Variants in SLC7A7 observed in about 807,000 individuals in gnomAD.
SLC7A7 encodes the protein solute carrier family 7 member 7.
SLC7A7 carries 39 observed loss-of-function variants against 47.9 expected under a neutral mutation model. That is an observed-to-expected ratio of 0.81 (90% CI 0.63 to 1.06). The LOEUF is 1.06. Among genes scored for constraint, SLC7A7 ranks in the 50% least tolerant of loss-of-function variants. The probability of loss-of-function intolerance (pLI) is 0.00; values close to 1 mark genes in which losing one functional copy is unlikely to be tolerated. For missense variants in SLC7A7, 588 were observed against 632.0 expected, an observed-to-expected ratio of 0.93 and a Z score of 0.75; for synonymous variants, 234 against 242.8, an observed-to-expected ratio of 0.96 and a Z score of 0.34.
At chr14:22,798,753 C>T (rs1400474734) in intron 2 of SLC7A7, among the ~76,000 whole-genome samples, 3 of 152,160 alleles carry the variant, frequency 2.0e-5, no homozygotes, top group Admixed American at 2.0e-4. Flanking sequence ...TCCTCTTTCA[C>T]CCTGCAAAAG....
At chr14:22,776,370 C>G (rs2038607659) in intron 4 of SLC7A7, 52 bp from the exon 5 acceptor site, 3 of 1,612,750 alleles carry the variant, frequency 1.9e-6, no homozygotes, top group East Asian at 4.5e-5. Context: ...ATATCCCTAT[C>G]TCTCCTTTAA....
In SLC7A7 at chr14:22,774,573, T is replaced by C. The variant is rs537951301; in HGVS notation, c.1096-70A>G. The C allele has an allele frequency of 1.8e-5, 28 of 1,599,512 alleles. No individual in the cohort carries two copies. In the African/African-American group the frequency reaches 3.7e-4, roughly 21 times the overall value. ...ATCCAAAGGCTTTTCACTCCCTTTATACCCCAGAAATCCATCCCCTGTCAA... is the reference window on the plus strand; with the variant it reads ...ATCCAAAGGCTTTTCACTCCCTTTACACCCCAGAAATCCATCCCCTGTCAA... On this transcript the variant is annotated intron_variant, in intron 7 of 9. Coordinates refer to ENST00000674313, the MANE Select transcript of SLC7A7 (RefSeq NM_003982.4).
chr14:22,775,446 T>C lies in SLC7A7; in HGVS notation c.1093A>G (p.Asn365Asp). The change falls in exon 7 of 10, where the codon AAT becomes GAT. Residue 365 changes from asparagine to aspartate, a missense_variant and splice_region_variant. By Grantham distance (23) the Asn-to-Asp change is conservative. Transcript: ENST00000674313. ...RFTPVPSLLF[N>D]GIMALIYLCV... ...GTCTCATCCTTGAGTTCACTTACATTGAAGAGCAGAGAAGGCACTGGTGTG... is the reference window on the plus strand; with the variant it reads ...GTCTCATCCTTGAGTTCACTTACATCGAAGAGCAGAGAAGGCACTGGTGTG... 2 of 1,613,508 alleles carry C rather than the reference T, an allele frequency of 1.2e-6. No homozygotes were observed. Among genetic ancestry groups the C allele is most frequent in the Non-Finnish European group, 1.7e-6 (2 of 1,179,468 alleles).
rs121908679 is a variant in SLC7A7 at position 22,778,837 on chromosome 14, C to T, written c.726G>A (p.Trp242Ter). ...CTTCAGTGACATAGTTGAGGGTGTC[C>T]CAGCCTGAGTAGGAGAACAGAGCTG... ...LYSALFSYSGWDTLNYVTEEI... is the reference protein window; with the variant it reads ...LYSALFSYSG Residue 242 changes from tryptophan (W) to a stop codon, truncating the protein, a stop_gained, in exon 4 of 10, where the codon TGG becomes TGA. Transcript: ENST00000674313. LOFTEE classifies it high-confidence loss of function. 6 of 1,614,018 alleles carry T rather than the reference C, an allele frequency of 3.7e-6. No individual in the cohort carries two copies. Among genetic ancestry groups the T allele is most frequent in the Non-Finnish European group, 2.5e-6 (3 of 1,180,052 alleles).
chr14:22,818,827 C>T (rs556104258), upstream of SLC7A7, among the ~76,000 whole-genome samples: 2 of 152,078 alleles, frequency 1.3e-5, no homozygotes, highest in South Asian at 2.1e-4. Context: ...CTCCTGACCT[C>T]GTGATCCTCC....
At chr14:22,801,761 G>A (rs1034328081) in intron 2 of SLC7A7, among the ~76,000 whole-genome samples, 63 of 152,228 alleles carry the variant, frequency 4.1e-4, no homozygotes, top group African/African-American at 1.4e-3. Flanking sequence ...GTGACAGAGC[G>A]AGACTCCGTC....
intron 4 of SLC7A7, 27 bp downstream of exon 4, chr14:22,778,766 A>G (rs376359939): frequency 4.5e-5 from 72 of 1,610,444 alleles, no homozygotes; most frequent in African/African-American, 1.9e-4. Flanking sequence ...TATCACTGCT[A>G]TGGAAAGTTG....
chr14:22,819,025 G>C (rs2138677223), upstream of SLC7A7, among the ~76,000 whole-genome samples: 1 of 152,314 alleles, frequency 6.6e-6, no homozygotes, highest in African/African-American at 2.4e-5. Flanking sequence ...GCTTGTGGAA[G>C]AAATTTGATT....
intron 2 of SLC7A7, among the ~76,000 whole-genome samples, chr14:22,808,733 T>C (rs1341768223): frequency 6.6e-6 from 1 of 152,234 alleles, no homozygotes; most frequent in Admixed American, 6.5e-5. Flanking sequence ...TTGGTTGCCC[T>C]TCTGAACCTT....
intron 2 of SLC7A7, among the ~76,000 whole-genome samples, chr14:22,797,792 C>T (rs1232286349): frequency 6.6e-6 from 1 of 152,190 alleles, no homozygotes; most frequent in Admixed American, 6.5e-5. Context: ...TAAATGATTT[C>T]AAGGTCTATT....
intron 4 of SLC7A7, among the ~76,000 whole-genome samples, chr14:22,776,893 C>T (rs780374353): frequency 1.6e-4 from 24 of 151,538 alleles, no homozygotes; most frequent in African/African-American, 3.4e-4. Context: ...CACTTGAACT[C>T]GAGAGGCGGA....
At chr14:22,798,757 G>A (rs2039060552) in intron 2 of SLC7A7, among the ~76,000 whole-genome samples, 1 of 152,052 alleles carries the variant, frequency 6.6e-6, no homozygotes, top group African/African-American at 2.4e-5. Flanking sequence ...CTTTCACCCT[G>A]CAAAAGTTTT....
In SLC7A7 at chr14:22,773,736, T is replaced by C. The variant is rs2139382380; in HGVS notation, c.1430-20A>G. 1 of 1,612,228 alleles carries C rather than the reference T, an allele frequency of 6.2e-7. No homozygotes were observed. Among genetic ancestry groups the C allele is most frequent in the Non-Finnish European group, 8.5e-7 (1 of 1,178,470 alleles). ...CAGACCCTACAAAGAGAACTTTGAG[T>C]TGGAATTGAGAAGAGGTCAGCTGGG... On this transcript the variant is annotated intron_variant, in intron 9 of 9. Transcript: ENST00000674313.
At chr14:22,805,778 G>A (rs951646382) in intron 2 of SLC7A7, among the ~76,000 whole-genome samples, 2 of 152,082 alleles carry the variant, frequency 1.3e-5, no homozygotes, top group Non-Finnish European at 2.9e-5. Flanking sequence ...TAAAATAAAA[G>A]TGGAAGAAAA....
At chr14:22,811,517 G>A (rs1435138365) in intron 2 of SLC7A7, among the ~76,000 whole-genome samples, 1 of 152,144 alleles carries the variant, frequency 6.6e-6, no homozygotes, top group Non-Finnish European at 1.5e-5. Context: ...ATGAGATGGA[G>A]AAAAAGCCAA....
At chr14:22,817,344 A>G, upstream of SLC7A7, 2 of 201,994 alleles carry the variant, frequency 9.9e-6, no homozygotes, top group Non-Finnish European at 2.0e-5. Flanking sequence ...ATTTTATTTT[A>G]TTTTATTTAT....
chr14:22,782,767 T>TG (rs1425189188), intron 2 of SLC7A7, among the ~76,000 whole-genome samples: 1 of 147,706 alleles, frequency 6.8e-6, no homozygotes, highest in Non-Finnish European at 1.5e-5. Context: ...CGTCCCTTTT[T>TG]GTTTTTTTTT....
At chr14:22,814,032 C>T (rs1231046379) in intron 1 of SLC7A7, among the ~76,000 whole-genome samples, 8 of 151,444 alleles carry the variant, frequency 5.3e-5, no homozygotes, top group Middle Eastern at 3.4e-3. Context: ...TCAGGTTATC[C>T]GCCCGCCTCG....
In SLC7A7 at chr14:22,774,394, TA is replaced by T; in HGVS notation, c.1204del (p.Tyr402IlefsTer117). 1 of 1,614,078 alleles carries T rather than the reference TA, an allele frequency of 6.2e-7. No individual in the cohort carries two copies. ...FVGLSIVGQL[Y>X]LRWKEPDRPR... ...TCGATCAGGCTCCTTCCAGCGCAGATAAAGCTGACCCACAATAGAAAGCCCC... is the reference window on the plus strand; with the variant it reads ...TCGATCAGGCTCCTTCCAGCGCAGATAAGCTGACCCACAATAGAAAGCCCC... On this transcript the variant is annotated frameshift_variant, in exon 8 of 10. Coordinates refer to ENST00000674313, the MANE Select transcript of SLC7A7 (RefSeq NM_003982.4). LOFTEE classifies it high-confidence loss of function.
Sources: allele counts gnomAD v4.1 joint callset (sites outside exome capture counted in the v4.1 genomes callset), GRCh38; gene constraint gnomAD v4.1.1; transcripts MANE v1.5; gene names NCBI Gene and HGNC (gene_info 2026-07-23, HGNC 2026-07-21).